The following COX7B2 variants were observed in gnomAD, a reference collection of about 807,000 sequenced individuals.
COX7B2 encodes the protein cytochrome c oxidase subunit 7B2, also known as cytochrome c oxidase subunit 7B2, mitochondrial.
For missense variants in COX7B2, 109 were observed against 95.9 expected, an observed-to-expected ratio of 1.14 and a Z score of -0.57; for synonymous variants, 37 against 32.1, an observed-to-expected ratio of 1.15 and a Z score of -0.51.
intron 2 of COX7B2, among the ~76,000 whole-genome samples, chr4:46,814,341 C>A (rs150463404): frequency 6.6e-6 from 1 of 152,094 alleles, no homozygotes; most frequent in South Asian, 2.1e-4. Flanking sequence ...ATACAAAATT[C>A]GGCTTTCCAG....
At chr4:46,869,747 A>G (rs1234182144) in intron 1 of COX7B2, among the ~76,000 whole-genome samples, 1 of 152,066 alleles carries the variant, frequency 6.6e-6, no homozygotes, top group African/African-American at 2.4e-5. Context: ...GTCTGCTGTT[A>G]GCCTGATGGT....
At chr4:46,735,310 G>T in intron 2 of COX7B2, 69 bp from the exon 3 acceptor site, 1 of 1,149,494 alleles carries the variant, frequency 8.7e-7, no homozygotes, top group South Asian at 1.4e-5. Flanking sequence ...TGAATGTCTG[G>T]CTACATCACC....
chr4:46,900,547 G>A (rs1401301811), intron 1 of COX7B2, among the ~76,000 whole-genome samples: 1 of 152,038 alleles, frequency 6.6e-6, no homozygotes, highest in Non-Finnish European at 1.5e-5. Context: ...CTGATATGGG[G>A]CACCTCAAAT....
intron 2 of COX7B2, among the ~76,000 whole-genome samples, chr4:46,740,694 A>G (rs927105075): frequency 1.4e-4 from 22 of 152,120 alleles, no homozygotes; most frequent in African/African-American, 5.1e-4. Flanking sequence ...GCAATGCTTA[A>G]TGAAAAAGAA....
chr4:46,810,273 T>A (rs942370980), intron 2 of COX7B2, among the ~76,000 whole-genome samples: 1 of 152,018 alleles, frequency 6.6e-6, no homozygotes. Flanking sequence ...ACATTCAAGG[T>A]TGTTACTGAT....
At chr4:46,904,225 G>T (rs545659720) in intron 1 of COX7B2, among the ~76,000 whole-genome samples, 1 of 151,932 alleles carries the variant, frequency 6.6e-6, no homozygotes, top group East Asian at 1.9e-4. Context: ...CTGATAAATT[G>T]TACTATATTA....
intron 2 of COX7B2, among the ~76,000 whole-genome samples, chr4:46,833,801 CA>C (rs944333427): frequency 6.6e-6 from 1 of 150,420 alleles, no homozygotes. Flanking sequence ...ACAGATAAGG[CA>C]AAAAAAAGAA....
At chr4:46,742,923 T>C (rs181319993) in intron 2 of COX7B2, among the ~76,000 whole-genome samples, 257 of 152,264 alleles carry the variant, frequency 1.7e-3, no homozygotes, top group Non-Finnish European at 3.1e-3. Flanking sequence ...AATCACAGTG[T>C]TCATTTAGGC....
chr4:46,784,674 T>C (rs1336859020), intron 2 of COX7B2, among the ~76,000 whole-genome samples: 4 of 152,186 alleles, frequency 2.6e-5, no homozygotes, highest in Non-Finnish European at 5.9e-5. Context: ...TCTATTTCTA[T>C]ATTACTGATA....
At chr4:46,816,879 C>A (rs986954079) in intron 2 of COX7B2, among the ~76,000 whole-genome samples, 1 of 152,072 alleles carries the variant, frequency 6.6e-6, no homozygotes, top group African/African-American at 2.4e-5. Flanking sequence ...ACTTTGAAGT[C>A]CTTGTAGCTT....
intron 2 of COX7B2, among the ~76,000 whole-genome samples, chr4:46,792,709 C>A (rs1349192819): frequency 6.6e-6 from 1 of 152,300 alleles, no homozygotes; most frequent in Non-Finnish European, 1.5e-5. Flanking sequence ...CCTTATAACA[C>A]ATCCATCCTA....
chr4:46,803,036 C>A (rs543133508), intron 2 of COX7B2, among the ~76,000 whole-genome samples: 10 of 152,236 alleles, frequency 6.6e-5, no homozygotes, highest in Non-Finnish European at 2.9e-5. Context: ...ATTCCATAAA[C>A]CTCCTTAGCA....
intron 2 of COX7B2, among the ~76,000 whole-genome samples, chr4:46,803,421 TCA>T (rs1309928199): frequency 6.6e-6 from 1 of 152,114 alleles, no homozygotes; most frequent in East Asian, 1.9e-4. Flanking sequence ...AATTTTGAGT[TCA>T]GTTACTGCTC....
At chr4:46,789,646 G>A (rs977646367) in intron 2 of COX7B2, among the ~76,000 whole-genome samples, 4 of 152,186 alleles carry the variant, frequency 2.6e-5, no homozygotes, top group Admixed American at 1.3e-4. Context: ...CAAAAAAAGC[G>A]AATTGCCATC....
At chr4:46,890,975 G>A (rs59974163) in intron 1 of COX7B2, among the ~76,000 whole-genome samples, 18,574 of 152,180 alleles carry the variant, frequency 0.12, 1,686 homozygotes, top group East Asian at 0.3. Flanking sequence ...GATAAAGTAA[G>A]AATCTAGGCT....
chr4:46,741,789 A>G (rs1344730406), intron 2 of COX7B2, among the ~76,000 whole-genome samples: 4 of 152,266 alleles, frequency 2.6e-5, no homozygotes. Context: ...TGGAATCTTT[A>G]TGACAAAATG....
intron 2 of COX7B2, among the ~76,000 whole-genome samples, chr4:46,764,480 T>G (rs1379527183): frequency 6.6e-6 from 1 of 151,696 alleles, no homozygotes; most frequent in East Asian, 1.9e-4. Flanking sequence ...GAGGCGGAGG[T>G]TGCAGTGAGC....
chr4:46,809,600 C>T (rs1471879863), intron 2 of COX7B2, among the ~76,000 whole-genome samples: 1 of 151,762 alleles, frequency 6.6e-6, no homozygotes, highest in Non-Finnish European at 1.5e-5. Context: ...TATCTAAATA[C>T]TAGTTTCATA....
At chr4:46,777,198 TG>T (rs1717198899) in intron 2 of COX7B2, among the ~76,000 whole-genome samples, 2 of 152,104 alleles carry the variant, frequency 1.3e-5, no homozygotes, top group South Asian at 4.1e-4. Context: ...ATCTGGACCT[TG>T]AAACCAGACC....
Sources: gnomAD v4.1 joint callset for allele counts (sites outside exome capture counted in the v4.1 genomes callset) on GRCh38, gnomAD v4.1.1 for gene constraint, MANE v1.5 for transcripts, NCBI Gene and HGNC (gene_info 2026-07-23, HGNC 2026-07-21) for gene names.